PDE5A: variants seen among roughly 807,000 people sequenced by gnomAD.
The protein encoded by PDE5A is phosphodiesterase 5A.
PDE5A carries 67 observed loss-of-function variants against 110.2 expected under a neutral mutation model. The observed-to-expected ratio is 0.61, with a 90% CI of 0.50 to 0.75. PDE5A has a LOEUF of 0.75. Ranked by LOEUF, PDE5A falls within the 30% of genes least tolerant of loss-of-function variation. PDE5A has a pLI of 0.00. For synonymous variants in PDE5A, 328 were observed against 351.2 expected (o/e 0.93, Z 0.74); for missense variants, 862 against 1,045.1 (o/e 0.82, Z 2.42).
intron 7 of PDE5A, among the ~76,000 whole-genome samples, chr4:119,555,562 A>G (rs1727506588): frequency 6.6e-6 from 1 of 152,184 alleles, no homozygotes; most frequent in Non-Finnish European, 1.5e-5. Context: ...AGGAGAATGA[A>G]GTATATTGGA....
intron 3 of PDE5A, among the ~76,000 whole-genome samples, chr4:119,584,598 G>A (rs1728693203): frequency 6.6e-6 from 1 of 152,118 alleles, no homozygotes; most frequent in Non-Finnish European, 1.5e-5. Context: ...TGTGGCTCTG[G>A]GTTAGAAGTG....
At chr4:119,538,325 C>T (rs757869767) in intron 11 of PDE5A, among the ~76,000 whole-genome samples, 1 of 152,168 alleles carries the variant, frequency 6.6e-6, no homozygotes, top group Non-Finnish European at 1.5e-5. Context: ...TCACAACTCA[C>T]ATGGCCCTTA....
intron 3 of PDE5A, among the ~76,000 whole-genome samples, chr4:119,577,870 TCA>T (rs1241766040): frequency 3.3e-5 from 5 of 152,178 alleles, no homozygotes; most frequent in Non-Finnish European, 5.9e-5. Flanking sequence ...TAAAGGGTAT[TCA>T]GTTAGGAAAA....
chr4:119,560,934 A>T (rs1257297448), intron 6 of PDE5A, among the ~76,000 whole-genome samples: 1 of 152,262 alleles, frequency 6.6e-6, no homozygotes, highest in African/African-American at 2.4e-5. Flanking sequence ...AGACTGGCCA[A>T]CATGGCAAAA....
intron 14 of PDE5A, among the ~76,000 whole-genome samples, chr4:119,511,571 T>C (rs543657694): frequency 2.5e-3 from 382 of 152,232 alleles, no homozygotes; most frequent in African/African-American, 9.0e-3. Flanking sequence ...GTCAGCTTAT[T>C]CATGTGTGCC....
At chr4:119,584,236 G>A (rs561604714) in intron 3 of PDE5A, among the ~76,000 whole-genome samples, 3 of 152,300 alleles carry the variant, frequency 2.0e-5, no homozygotes, top group South Asian at 2.1e-4. Context: ...ATCTGAAAGC[G>A]GGGATGGGGA....
chr4:119,598,355 G>A (rs750605917), intron 2 of PDE5A, among the ~76,000 whole-genome samples: 3 of 152,150 alleles, frequency 2.0e-5, no homozygotes, highest in Non-Finnish European at 4.4e-5. Context: ...AATTTCATTT[G>A]AGGTGAAGTT....
At chr4:119,583,952 G>A (rs1728672787) in intron 3 of PDE5A, among the ~76,000 whole-genome samples, 1 of 152,190 alleles carries the variant, frequency 6.6e-6, no homozygotes. Flanking sequence ...ATGCTGATGA[G>A]CAGATTTGAT....
rs1728718850 is a variant in PDE5A at position 119,585,231 on chromosome 4, T to C, written c.831+11292A>G. ...TGGGGGTTGCAGTGAGCTGAGATCA[T>C]GCCACTGCACTCCAGCCTGGGCGAC... On this transcript the variant is annotated intron_variant, in intron 3 of 20. Coordinates refer to ENST00000354960, the MANE Select transcript of PDE5A (RefSeq NM_001083.4). Among the ~76,000 whole-genome samples the C allele has an allele frequency of 6.7e-5, 10 of 149,606 alleles. No homozygotes were observed. The South Asian group carries it at 2.1e-3, about 32-fold the overall frequency.
intron 14 of PDE5A, among the ~76,000 whole-genome samples, chr4:119,517,860 AT>A (rs530676969): frequency 3.8e-4 from 58 of 152,200 alleles, no homozygotes; most frequent in Non-Finnish European, 7.1e-4. Context: ...TGTACTATAC[AT>A]CTTTTCATAT....
At chr4:119,605,572 G>T (rs569147698) in intron 2 of PDE5A, among the ~76,000 whole-genome samples, 1 of 152,142 alleles carries the variant, frequency 6.6e-6, no homozygotes, top group South Asian at 2.1e-4. Context: ...ACTTGAATCT[G>T]GGAGGCAAAG....
In PDE5A at chr4:119,553,716, C is replaced by A. The variant is rs201433268; in HGVS notation, c.1230G>T (p.Met410Ile). The A allele has an allele frequency of 1.9e-6, 3 of 1,588,378 alleles. No homozygotes were observed. Among genetic ancestry groups the A allele is most frequent in the Non-Finnish European group, 2.6e-6 (3 of 1,156,876 alleles). The change falls in exon 8 of 21, where the codon ATG becomes ATT. Residue 410 changes from methionine (M) to isoleucine (I), a missense_variant. By Grantham distance (10) the Met-to-Ile change is conservative (BLOSUM62 1). Coordinates refer to ENST00000354960, the MANE Select transcript of PDE5A (RefSeq NM_001083.4). ...REHDANKINYMYAQYVKNTME... is the reference protein window; with the variant it reads ...REHDANKINYIYAQYVKNTME... Reference sequence around the variant, plus strand: ...TAGTATTTTTGACATACTGAGCATACATGTAATTGATTTTGTTTGCATCAT... The same window carrying A: ...TAGTATTTTTGACATACTGAGCATAAATGTAATTGATTTTGTTTGCATCAT...
At chr4:119,511,569 AT>A (rs561843142) in intron 14 of PDE5A, among the ~76,000 whole-genome samples, 382 of 152,210 alleles carry the variant, frequency 2.5e-3, no homozygotes, top group African/African-American at 9.0e-3. Flanking sequence ...AGGTCAGCTT[AT>A]TCATGTGTGC....
intron 3 of PDE5A, among the ~76,000 whole-genome samples, chr4:119,568,981 CCAT>C (rs1165216858): frequency 6.6e-6 from 1 of 151,446 alleles, no homozygotes; most frequent in East Asian, 1.9e-4. Context: ...ACATTTTAGT[CCAT>C]CATCATATCA....
chr4:119,625,143 G>A lies in PDE5A; in HGVS notation c.152+3377C>T, dbSNP rs546542011. The stretch of plus-strand genomic sequence containing the variant: ...CTCCTTAGTAGCTGGGATTACAGGC[G>A]CGCGCCATACCTGGCTAATTTTTGT... On this transcript the variant is annotated intron_variant, in intron 1 of 20. Transcript: ENST00000354960. 4.6e-5 allele frequency among the ~76,000 whole-genome samples: 7 copies of A among 151,870 alleles called. No homozygotes were observed. The South Asian group carries it at 8.3e-4, about 18-fold the overall frequency.
In PDE5A at chr4:119,603,375, A is replaced by AATAC. The variant is rs10579225; in HGVS notation, c.741+3330_741+3333dup. On this transcript the variant is annotated intron_variant, in intron 2 of 20. Transcript: ENST00000354960. ...CACAGTGAGACTCTGGCTTAAAATA[A>AATAC]ATACATACATACATACATACATACA... 2.4e-3 allele frequency among the ~76,000 whole-genome samples: 353 copies of AATAC among 148,706 alleles called. 1 individual carries two copies. Among genetic ancestry groups the AATAC allele is most frequent in the African/African-American group, 6.8e-3 (275 of 40,388 alleles).
In PDE5A at chr4:119,505,792, A is replaced by C. The variant is rs181651326; in HGVS notation, c.2267+63T>G. On this transcript the variant is annotated intron_variant, in intron 17 of 20. Transcript: ENST00000354960. ...TTGCAATAAAAACTAACAGTGAGGA[A>C]AAAATAGTGAGAAAATTAACTGGGT... 2.3e-5 allele frequency: 22 copies of C among 970,174 alleles called. No homozygotes were observed. The East Asian group carries it at 5.9e-4, about 26-fold the overall frequency. The allele number at this position is 970,174 out of a possible 1,614,324, so 60.1% of individuals were successfully genotyped here. A position where few individuals can be genotyped will look rare whatever the true frequency, so the allele number is the denominator to read the frequency against.
chr4:119,543,933 G>A (rs921075612), intron 9 of PDE5A: 6 of 152,212 alleles, frequency 3.9e-5, no homozygotes, highest in Middle Eastern at 6.8e-3. Context: ...TAGACTGTCA[G>A]TATCTTGGGC....
chr4:119,557,370 T>C (rs1241382286), intron 7 of PDE5A, among the ~76,000 whole-genome samples: 1 of 152,196 alleles, frequency 6.6e-6, no homozygotes, highest in East Asian at 1.9e-4. Flanking sequence ...CTCTAATAAA[T>C]TTCTGCACAT....
Sources: gnomAD v4.1 joint callset for allele counts (sites outside exome capture counted in the v4.1 genomes callset) on GRCh38, gnomAD v4.1.1 for gene constraint, MANE v1.5 for transcripts, NCBI Gene and HGNC (gene_info 2026-07-23, HGNC 2026-07-21) for gene names.